Variants in USH2A observed in about 807,000 individuals in gnomAD.
USH2A encodes the protein Usher syndrome 2A (autosomal recessive, mild).
USH2A carries 443 observed loss-of-function variants against 538.9 expected under a neutral mutation model. That is an observed-to-expected ratio of 0.82 (90% CI 0.76 to 0.89). The LOEUF (loss-of-function observed/expected upper bound fraction) is 0.89, where lower values mean the gene tolerates loss of function less well. Among genes scored for constraint, USH2A ranks in the 40% least tolerant of loss-of-function variants. The pLI, the probability that USH2A is intolerant of heterozygous loss-of-function variation, is 0.00. For synonymous variants in USH2A, 2,413 were observed against 2,273.5 expected (o/e 1.06, Z -1.75); for missense variants, 6,633 against 6,324.8 (o/e 1.05, Z -1.65).
intron 64 of USH2A, among the ~76,000 whole-genome samples, chr1:215,660,616 T>C (rs1571938075): frequency 1.3e-5 from 2 of 152,344 alleles, no homozygotes; most frequent in East Asian, 3.9e-4. Context: ...TACAATGAAA[T>C]TTGTTAATTG....
chr1:216,289,133 C>T, intron 11 of USH2A, 147 bp downstream of exon 11: 3 of 1,182,644 alleles, frequency 2.5e-6, no homozygotes, highest in Non-Finnish European at 3.7e-6. Context: ...CTCAAAGTTG[C>T]ACACGAACAA....
chr1:215,937,150 C>T (rs911327307), intron 37 of USH2A, among the ~76,000 whole-genome samples: 4 of 151,950 alleles, frequency 2.6e-5, no homozygotes, highest in Admixed American at 2.6e-4. Context: ...ATAAACAGTG[C>T]TTGTGGGCTA....
At chr1:216,401,380 A>G (rs917077267) in intron 3 of USH2A, among the ~76,000 whole-genome samples, 6 of 152,166 alleles carry the variant, frequency 3.9e-5, no homozygotes, top group Admixed American at 3.9e-4. Context: ...AAATGCAGAG[A>G]CCCACAACAG....
chr1:215,903,705 C>T (rs1030528630), intron 38 of USH2A, among the ~76,000 whole-genome samples: 2 of 152,072 alleles, frequency 1.3e-5, no homozygotes, highest in African/African-American at 2.4e-5. Flanking sequence ...TAGCAAAGAT[C>T]TCCTTTGATG....
chr1:216,064,842 A>G (rs2031297895), intron 30 of USH2A, among the ~76,000 whole-genome samples: 1 of 152,314 alleles, frequency 6.6e-6, no homozygotes. Context: ...ATGTAAGCAC[A>G]TTGCAAGGTG....
intron 21 of USH2A, among the ~76,000 whole-genome samples, chr1:216,115,391 C>T (rs1459563462): frequency 6.6e-6 from 1 of 152,184 alleles, no homozygotes; most frequent in South Asian, 2.1e-4. Context: ...GCAATTCTCC[C>T]TCTTCAGCTT....
chr1:216,123,598 T>A (rs553921441), intron 21 of USH2A, among the ~76,000 whole-genome samples: 2 of 152,260 alleles, frequency 1.3e-5, no homozygotes, highest in East Asian at 3.9e-4. Context: ...CGCATTATTG[T>A]AAGCCTTTGA....
Position 215,813,758 on chromosome 1 carries a change from C to G in USH2A, c.9717G>C (p.Gly3239=), listed in dbSNP as rs770737285. 1 of 1,613,872 alleles carries G rather than the reference C, an allele frequency of 6.2e-7. No homozygotes were observed. Among genetic ancestry groups the G allele is most frequent in the Non-Finnish European group, 8.5e-7 (1 of 1,179,852 alleles). ...CACCTGGTAGAATTCTAGCGTAATA[C>G]CCAGAGCAGCACTGATGATTTGGTT... is the stretch of plus-strand genomic sequence containing the variant. ...EAQPNHQCCS[G]YYARILPGEV... The change falls in exon 49 of 72, where the codon GGG becomes GGC. Residue 3239 remains glycine (G), a synonymous_variant. Coordinates refer to ENST00000307340, the MANE Select transcript of USH2A (RefSeq NM_206933.4).
At chr1:215,990,891 A>T (rs1571870811) in intron 35 of USH2A, among the ~76,000 whole-genome samples, 2 of 149,336 alleles carry the variant, frequency 1.3e-5, no homozygotes, top group African/African-American at 4.9e-5. Context: ...CCTCCTGAGT[A>T]GCTGGGACTA....
At chr1:216,263,205 G>A (rs973321893) in intron 11 of USH2A, among the ~76,000 whole-genome samples, 1 of 152,036 alleles carries the variant, frequency 6.6e-6, no homozygotes, top group African/African-American at 2.4e-5. Context: ...TTTAATAGAA[G>A]AACTAATACC....
chr1:216,013,134 A>G (rs1668617180), intron 32 of USH2A, among the ~76,000 whole-genome samples: 1 of 152,144 alleles, frequency 6.6e-6, no homozygotes, highest in African/African-American at 2.4e-5. Context: ...AGTCGTCCCA[A>G]TACTTAGACC....
At chr1:216,026,680 G>A (rs1668973704) in intron 32 of USH2A, among the ~76,000 whole-genome samples, 1 of 152,054 alleles carries the variant, frequency 6.6e-6, no homozygotes, top group Non-Finnish European at 1.5e-5. Flanking sequence ...ATGTCTTCAG[G>A]ATGAAAGATG....
At chr1:215,637,901 C>T (rs992934590) in intron 69 of USH2A, among the ~76,000 whole-genome samples, 4 of 151,656 alleles carry the variant, frequency 2.6e-5, no homozygotes, top group Non-Finnish European at 4.4e-5. Flanking sequence ...ATATCAATCC[C>T]GAATCTGTTT....
At chr1:216,234,299 G>T (rs1472243432) in intron 13 of USH2A, among the ~76,000 whole-genome samples, 1 of 152,098 alleles carries the variant, frequency 6.6e-6, no homozygotes, top group Non-Finnish European at 1.5e-5. Context: ...TGTGCTCAAT[G>T]AGAGGAAAAG....
chr1:216,327,462 A>G, intron 5 of USH2A, 129 bp downstream of exon 5: 1 of 1,064,650 alleles, frequency 9.4e-7, no homozygotes, highest in Non-Finnish European at 1.4e-6. Context: ...CACTGTAAAC[A>G]TTAATTAGGT....
chr1:215,891,962 C>G (rs575717268), intron 40 of USH2A, among the ~76,000 whole-genome samples: 8 of 152,226 alleles, frequency 5.3e-5, no homozygotes, highest in African/African-American at 1.9e-4. Flanking sequence ...CATTTCATTG[C>G]AACATTAATA....
intron 31 of USH2A, 123 bp from the exon 32 acceptor site, chr1:216,046,715 C>T (rs375754424): frequency 4.0e-5 from 46 of 1,156,192 alleles, no homozygotes; most frequent in South Asian, 9.4e-5. Context: ...ATTCCCGATT[C>T]GTGGGCAGCT....
intron 38 of USH2A, among the ~76,000 whole-genome samples, chr1:215,905,175 G>A (rs972274224): frequency 6.6e-6 from 1 of 152,026 alleles, no homozygotes; most frequent in Non-Finnish European, 1.5e-5. Context: ...AAACGTAGTT[G>A]GTGGCTACCA....
chr1:216,036,094 A>G (rs949895437), intron 32 of USH2A, among the ~76,000 whole-genome samples: 1 of 152,152 alleles, frequency 6.6e-6, no homozygotes, highest in Admixed American at 6.6e-5. Flanking sequence ...AGATAGTGCT[A>G]GAGGTCATCT....
Sources: gnomAD v4.1 joint callset for allele counts (sites outside exome capture counted in the v4.1 genomes callset) on GRCh38, gnomAD v4.1.1 for gene constraint, MANE v1.5 for transcripts, NCBI Gene and HGNC (gene_info 2026-07-23, HGNC 2026-07-21) for gene names.